IGFN1: variants seen among roughly 807,000 people sequenced by gnomAD.
IGFN1 encodes immunoglobulin like and fibronectin type III domain containing 1, also known as immunoglobulin-like and fibronectin type III domain-containing protein 1.
A neutral mutation model predicts 289.5 loss-of-function variants in IGFN1; 253 were observed. The observed-to-expected ratio is 0.87, with a 90% CI of 0.79 to 0.97. IGFN1 has a LOEUF of 0.97. Ranked by LOEUF, IGFN1 falls within the 50% of genes least tolerant of loss-of-function variation. IGFN1 has a pLI of 0.00. For missense variants in IGFN1, 4,470 were observed against 4,686.1 expected, an observed-to-expected ratio of 0.95 and a Z score of 1.35; for synonymous variants, 1,706 against 1,788.5, an observed-to-expected ratio of 0.95 and a Z score of 1.16.
chr1:201,203,584 T>C (rs1667253802), intron 9 of IGFN1, among the ~76,000 whole-genome samples, 154 bp from the exon 10 acceptor site: 1 of 152,188 alleles, frequency 6.6e-6, no homozygotes, highest in South Asian at 2.1e-4. Context: ...GGCCCTGCTG[T>C]CCACCCCATC....
intron 20 of IGFN1, 84 bp downstream of exon 20, chr1:201,222,911 C>T: frequency 1.1e-6 from 1 of 900,050 alleles, no homozygotes; most frequent in Non-Finnish European, 1.7e-6. Context: ...TCTTTTCTTC[C>T]CTGTTCCTTT....
rs766117622 is a variant in IGFN1, at chr1:201,210,828, G to T, written c.5935G>T (p.Gly1979Cys). 22 of 1,530,224 alleles carry T rather than the reference G, an allele frequency of 1.4e-5. No homozygotes were observed. The highest frequency in any genetic ancestry group is 1.9e-5 in the Non-Finnish European group (22 of 1,144,960). 94.8% of individuals were successfully genotyped at this position (1,530,224 alleles called of 1,614,324 possible). A position where few individuals can be genotyped will look rare whatever the true frequency, so the allele number is the denominator to read the frequency against. Residue 1979 changes from glycine to cysteine, a missense_variant, in exon 12 of 24, where the codon GGT (glycine) becomes TGT (cysteine). By Grantham distance (159) the Gly-to-Cys change is radical (BLOSUM62 -3). This residue lies in a region of IGFN1 where 108 missense variants were observed against 128.7 expected (regional missense o/e 0.84). Transcript: ENST00000335211. ...GGGAATGGGTTCAGGGAGTAAGGAA[G>T]GTTTCAGGGATGGTTTAGGGGGTTC... ...PKGMGSGSKE[G>C]FRDGLGGSEE...
rs781666766 is a variant in IGFN1 at position 201,213,541 on chromosome 1, A to G, written c.8648A>G (p.Tyr2883Cys). 2.5e-6 allele frequency: 4 copies of G among 1,614,012 alleles called. No individual in the cohort carries two copies. Among genetic ancestry groups the G allele is most frequent in the East Asian group, 2.2e-5 (1 of 44,868 alleles). ...GGCAAAGACGGCAGGTTGGACATCT[A>G]TGGAGAGAGGAGAGATGCTACCCGG... ...RSGKDGRLDI[Y>C]GERRDATRSS... Residue 2883 changes from tyrosine to cysteine, a missense_variant, in exon 12 of 24, where the codon TAT becomes TGT. Physicochemically the swap from Tyr to Cys is radical, Grantham distance 194. Coordinates refer to ENST00000335211, the MANE Select transcript of IGFN1 (RefSeq NM_001164586.2).
rs1667916088 is a variant in IGFN1 at position 201,213,173 on chromosome 1, G to A, written c.8280G>A (p.Leu2760=). Residue 2760 remains leucine, a synonymous_variant, in exon 12 of 24, where the codon CTG becomes CTA. Coordinates refer to ENST00000335211, the MANE Select transcript of IGFN1 (RefSeq NM_001164586.2). ...SRDRSGGTQD[L]SSQRGKGQRG... ...ATAGGTCAGGAGGGACCCAGGACCT[G>A]AGCTCTCAGCGAGGCAAGGGACAGA... 6.4e-7 allele frequency: 1 copy of A among 1,551,684 alleles called. No homozygotes were observed. The highest frequency in any genetic ancestry group is 8.7e-7 in the Non-Finnish European group (1 of 1,146,976).
Position 201,221,796 on chromosome 1 carries a change from A to C in IGFN1, c.10201+50A>C. 3 of 1,498,550 alleles carry C rather than the reference A, an allele frequency of 2.0e-6. No homozygotes were observed. In the South Asian group the frequency reaches 4.0e-5, roughly 20 times the overall value. 92.8% of individuals were successfully genotyped at this position (1,498,550 alleles called of 1,614,324 possible). ...CCCTGAGCCCTGCAGGCCTCTCCTA[A>C]GAGGGGGCCCCTGAGTAGCCGCAAT... On this transcript the variant is annotated intron_variant, in intron 19 of 23. Transcript: ENST00000335211.
chr1:201,221,374 TA>T, intron 18 of IGFN1, 69 bp from the exon 19 acceptor site: 1 of 1,187,322 alleles, frequency 8.4e-7, no homozygotes, highest in South Asian at 1.6e-5. Context: ...CAAGGAAGGC[TA>T]ATCAATATCC....
intron 18 of IGFN1, among the ~76,000 whole-genome samples, chr1:201,219,731 A>G (rs901291305): frequency 3.3e-5 from 5 of 152,220 alleles, no homozygotes; most frequent in Non-Finnish European, 7.3e-5. Flanking sequence ...GCAGGTGTTC[A>G]GGCTGTTTGA....
At chr1:201,201,659 A>G in intron 8 of IGFN1, 60 bp from the exon 9 acceptor site, 2 of 898,464 alleles carry the variant, frequency 2.2e-6, no homozygotes, top group Non-Finnish European at 3.6e-6. Context: ...ATGAGGGTTC[A>G]GAGTACCCCG....
intron 4 of IGFN1, 60 bp downstream of exon 4, chr1:201,196,038 G>A: frequency 2.6e-6 from 4 of 1,510,792 alleles, no homozygotes; most frequent in Non-Finnish European, 2.7e-6. Flanking sequence ...TCCCCTTGAA[G>A]GTCTCTTTGG....
At chr1:201,194,886 C>A (rs957283084) in intron 3 of IGFN1, among the ~76,000 whole-genome samples, 3 of 152,170 alleles carry the variant, frequency 2.0e-5, no homozygotes, top group Admixed American at 6.5e-5. Flanking sequence ...AAATCTGGAA[C>A]AAGGTAATGA....
Position 201,211,652 on chromosome 1 carries a change from T to C in IGFN1, c.6759T>C (p.Asp2253=). The change falls in exon 12 of 24, where the codon GAT becomes GAC. Residue 2253 remains aspartate (D), a synonymous_variant. Transcript: ENST00000335211. ...GSMDEADYRK[D]LGAPEEMGSG... is the part of the protein sequence containing the mutation. ...TGGATGAGGCAGATTATAGGAAGGA[T>C]TTGGGAGCTCCTGAGGAAATGGGTT... is the stretch of plus-strand genomic sequence containing the variant. The C allele has an allele frequency of 6.5e-7, 1 of 1,536,844 alleles. No individual in the cohort carries two copies. Among genetic ancestry groups the C allele is most frequent in the Non-Finnish European group, 8.7e-7 (1 of 1,146,768 alleles).
chr1:201,214,295 C>T lies in IGFN1; in HGVS notation c.8847C>T (p.Gly2949=), dbSNP rs145197016. Residue 2949 remains glycine (G), a synonymous_variant, in exon 13 of 24, where the codon GGC becomes GGT. Coordinates refer to ENST00000335211, the MANE Select transcript of IGFN1 (RefSeq NM_001164586.2). ...GACCTGGCACCTGGTTTAAGGATGG[C>T]GTCAAGGTACTGCCTCCCCTCACAC... ...DLGPGTWFKD[G]VKLTTQDGVI... The T allele has an allele frequency of 3.4e-5, 55 of 1,608,528 alleles. No individual in the cohort carries two copies. The highest frequency in any genetic ancestry group is 3.3e-4 in the Middle Eastern group (2 of 6,062).
chr1:201,225,742 G>A lies in IGFN1; in HGVS notation c.10487-82G>A. ...AAGACTGCGTTCCCCAGGACCCTCAGAAGTCCTGGGACCTGGAGGGGGCTG... is the reference window on the plus strand; with the variant it reads ...AAGACTGCGTTCCCCAGGACCCTCAAAAGTCCTGGGACCTGGAGGGGGCTG... On this transcript the variant is annotated intron_variant, in intron 21 of 23. Transcript: ENST00000335211. The A allele has an allele frequency of 4.7e-6, 6 of 1,285,626 alleles. No homozygotes were observed. In the South Asian group the frequency reaches 7.4e-5, roughly 16 times the overall value. The allele number at this position is 1,285,626 out of a possible 1,614,324, so 79.6% of individuals were successfully genotyped here. A position where few individuals can be genotyped will look rare whatever the true frequency, so the allele number is the denominator to read the frequency against.
intron 17 of IGFN1, among the ~76,000 whole-genome samples, chr1:201,217,762 T>A (rs1653423832): frequency 6.6e-6 from 1 of 152,060 alleles, no homozygotes; most frequent in African/African-American, 2.4e-5. Flanking sequence ...GGCAAAAAAA[T>A]TTCAATTGTG....
chr1:201,205,096 G>A lies in IGFN1; in HGVS notation c.931G>A (p.Val311Met), dbSNP rs908068518. 4 of 1,547,472 alleles carry A rather than the reference G, an allele frequency of 2.6e-6. No homozygotes were observed. Among genetic ancestry groups the A allele is most frequent in the African/African-American group, 1.4e-5 (1 of 73,116 alleles). ...TTCCCCGGCAGCCATCCCCCCAAGA[G>A]TGGTGGTCCCACTGGCGGAGACCCA... ...ELEASAIPPR[V>M]VVPLAETHCE... is the part of the protein sequence containing the mutation. Residue 311 changes from valine (V) to methionine (M), a missense_variant, in exon 11 of 24, where the codon GTG (valine) becomes ATG (methionine). Around this residue, in one of 8 missense-constraint regions of IGFN1, gnomAD observed 2,011 missense variants for 1,953.4 expected, o/e 1.03. Coordinates refer to ENST00000335211, the MANE Select transcript of IGFN1 (RefSeq NM_001164586.2).
chr1:201,206,855 G>A lies in IGFN1; in HGVS notation c.1962G>A (p.Val654=), dbSNP rs574576485. ...GGGAAAGGGGGAGAGGAATAGTAGT[G>A]TGGGGTGGTGGGACTGGCCTGGGAG... The part of the protein sequence containing the change: ...PSRERGRGIV[V]WGGGTGLGEA... Residue 654 remains valine, a synonymous_variant, in exon 12 of 24, where the codon GTG becomes GTA. Transcript: ENST00000335211. The A allele has an allele frequency of 3.9e-6, 6 of 1,536,640 alleles. No homozygotes were observed. In the African/African-American group the frequency reaches 4.1e-5, roughly 11 times the overall value.
At position 201,208,831 on chromosome 1, in the gene IGFN1, C is replaced by G. The variant is rs1301439774; in HGVS notation, c.3938C>G (p.Ser1313Cys). The G allele has an allele frequency of 1.3e-6, 2 of 1,535,850 alleles. No individual in the cohort carries two copies. Among genetic ancestry groups the G allele is most frequent in the African/African-American group, 2.8e-5 (2 of 72,648 alleles). ...GATTATAGGGATGGTGTAGGGGGTT[C>G]TGGGGCAATGGGGTCAATGGATGAA... ...KADYRDGVGG[S>C]GAMGSMDEAG... Residue 1313 changes from serine (S) to cysteine (C), a missense_variant, in exon 12 of 24, where the codon TCT becomes TGT. Physicochemically the swap from Ser to Cys is moderately radical, Grantham distance 112. Transcript: ENST00000335211.
In IGFN1 at chr1:201,212,838, A is replaced by T. The variant is rs1215807401; in HGVS notation, c.7945A>T (p.Arg2649Ter). The T allele has an allele frequency of 1.3e-6, 2 of 1,551,348 alleles. No individual in the cohort carries two copies. Among genetic ancestry groups the T allele is most frequent in the East Asian group, 4.9e-5 (2 of 40,914 alleles). The change falls in exon 12 of 24, where the codon AGA becomes TGA. Residue 2649 changes from arginine to a stop codon, truncating the protein, a stop_gained. Transcript: ENST00000335211. LOFTEE classifies it high-confidence loss of function. Reference sequence around the variant, plus strand: ...TGCTGGGAAGCAGCCCGCAGGCTCCAGAGCTTCCGGTTCTCTGCAGGAGAA... The same window carrying T: ...TGCTGGGAAGCAGCCCGCAGGCTCCTGAGCTTCCGGTTCTCTGCAGGAGAA... ...IDAGKQPAGS[R>*]ASGSLQEKDA...
rs1653119646 is a variant in IGFN1, at chr1:201,215,007, C to T, written c.8854-6C>T. ...TGACCTTCTCCTGCTGTGGCCCTGT[C>T]TCCAGCTCACCACCCAGGATGGAGT... On this transcript the variant is annotated splice_polypyrimidine_tract_variant and splice_region_variant and intron_variant, in intron 13 of 23. Coordinates refer to ENST00000335211, the MANE Select transcript of IGFN1 (RefSeq NM_001164586.2). 1.2e-6 allele frequency: 2 copies of T among 1,613,032 alleles called. No individual in the cohort carries two copies. The highest frequency in any genetic ancestry group is 2.2e-5 in the East Asian group (1 of 44,884).
Sources: allele counts gnomAD v4.1 joint callset (sites outside exome capture counted in the v4.1 genomes callset), GRCh38; gene constraint gnomAD v4.1.1; regional missense constraint gnomAD v4.1.1; transcripts MANE v1.5; gene names NCBI Gene and HGNC (gene_info 2026-07-23, HGNC 2026-07-21).